The following PCDHGA10 variants were observed in gnomAD, a reference collection of about 807,000 sequenced individuals.
The protein encoded by PCDHGA10 is protocadherin gamma subfamily A, 10, also known as protocadherin gamma-A10.
PCDHGA10 carries 42 observed loss-of-function variants against 59.5 expected under a neutral mutation model. That is an observed-to-expected ratio of 0.71 (90% CI 0.55 to 0.91). PCDHGA10 has a LOEUF of 0.91. PCDHGA10 is among the 40% of genes least tolerant of loss of function. The pLI, the probability that PCDHGA10 is intolerant of heterozygous loss-of-function variation, is 0.00. For missense variants in PCDHGA10, 1,111 were observed against 1,198.2 expected (o/e 0.93, Z 1.07); for synonymous variants, 511 against 517.2 (o/e 0.99, Z 0.16).
rs1440733700 is a variant in PCDHGA10 at position 141,441,803 on chromosome 5, G to A, written c.2436+26192G>A. 249 of 383,164 alleles carry A rather than the reference G, an allele frequency of 6.5e-4. 2 individuals carry two copies. Among genetic ancestry groups the A allele is most frequent in the African/African-American group, 4.8e-3 (220 of 45,902 alleles). The allele number at this position is 383,164 out of a possible 1,614,324, so 23.7% of individuals were successfully genotyped here. The stretch of plus-strand genomic sequence containing the variant: ...ACCTGAATGACAACGCACCGCGGGT[G>A]CTGTACCCCAGCTCTGGAGCGCAAT... On this transcript the variant is annotated intron_variant, in intron 1 of 3. Coordinates refer to ENST00000398610, the MANE Select transcript of PCDHGA10 (RefSeq NM_018913.3).
chr5:141,463,086 GC>G (rs1171354311), intron 1 of PCDHGA10, among the ~76,000 whole-genome samples: 1 of 152,098 alleles, frequency 6.6e-6, no homozygotes, highest in African/African-American at 2.4e-5. Context: ...ACATTTTCCA[GC>G]CCTATGTGAC....
At chr5:141,441,087 TGACA>T (rs1168679217) in intron 1 of PCDHGA10, 1 of 152,174 alleles carries the variant, frequency 6.6e-6, no homozygotes, top group Non-Finnish European at 1.5e-5. Flanking sequence ...TGGTAGCAAG[TGACA>T]GAGAGGGACT....
At chr5:141,483,648 T>TTGTGTGTGTGTGTG (rs111458813) in intron 1 of PCDHGA10, among the ~76,000 whole-genome samples, 2 of 149,592 alleles carry the variant, frequency 1.3e-5, no homozygotes, top group Non-Finnish European at 3.0e-5. Context: ...GGGTGTGTGT[T>TTGTGTGTGTGTGTG]TGTGTGTGTG....
chr5:141,415,524 C>G lies in PCDHGA10; in HGVS notation c.2349C>G (p.Leu783=). The change falls in exon 1 of 4, where the codon CTC becomes CTG. Residue 783 remains leucine, a synonymous_variant. Coordinates refer to ENST00000398610, the MANE Select transcript of PCDHGA10 (RefSeq NM_018913.3). Reference sequence around the variant, plus strand: ...CCCAGCCCAATTATGCGGACACGCTCATCAGCCAGGAGAGCTGTGAGAAAA... The same window carrying G: ...CCCAGCCCAATTATGCGGACACGCTGATCAGCCAGGAGAGCTGTGAGAAAA... ...IFPQPNYADT[L]ISQESCEKND... is the part of the protein sequence containing the mutation. 1 of 1,614,154 alleles carries G rather than the reference C, an allele frequency of 6.2e-7. No homozygotes were observed. The highest frequency in any genetic ancestry group is 8.5e-7 in the Non-Finnish European group (1 of 1,180,038).
intron 1 of PCDHGA10, chr5:141,428,087 G>A (rs2097108117): frequency 6.2e-7 from 1 of 1,609,106 alleles, no homozygotes; most frequent in Non-Finnish European, 8.5e-7. Context: ...ACAACGCTTG[G>A]CTGTCCTACC....
In PCDHGA10 at chr5:141,485,076, G is replaced by A; in HGVS notation, c.2437-9731G>A. 2.1e-6 allele frequency: 2 copies of A among 944,586 alleles called. No homozygotes were observed. Among genetic ancestry groups the A allele is most frequent in the East Asian group, 2.4e-5 (1 of 41,508 alleles). The allele number at this position is 944,586 out of a possible 1,614,324, so 58.5% of individuals were successfully genotyped here. ...CCGAACCGCGCCAGAGCTGGCGCGG[G>A]GAAAGGGAGATAGGTGTCTCCAGCT... On this transcript the variant is annotated intron_variant, in intron 1 of 3. Coordinates refer to ENST00000398610, the MANE Select transcript of PCDHGA10 (RefSeq NM_018913.3). This position sits in a 1 kb window ranked among gnomAD's most constrained non-coding sequence, Gnocchi z 5.7.
chr5:141,432,374 C>T lies in PCDHGA10; in HGVS notation c.2436+16763C>T. The T allele has an allele frequency of 6.2e-7, 1 of 1,614,240 alleles. No individual in the cohort carries two copies. The highest frequency in any genetic ancestry group is 1.1e-5 in the South Asian group (1 of 91,082). ...GAAAGTGATGGCGCGGGACAACGGG[C>T]ACCCGCCCCTCAGCAGCAACGTGTC... On this transcript the variant is annotated intron_variant, in intron 1 of 3. Transcript: ENST00000398610. The surrounding 1 kb of genome is among the most constrained non-coding windows in gnomAD (Gnocchi z 6.0).
Position 141,432,771 on chromosome 5 carries a change from T to G in PCDHGA10, c.2436+17160T>G. The G allele has an allele frequency of 6.2e-7, 1 of 1,614,006 alleles. No homozygotes were observed. The highest frequency in any genetic ancestry group is 8.5e-7 in the Non-Finnish European group (1 of 1,179,966). On this transcript the variant is annotated intron_variant, in intron 1 of 3. Coordinates refer to ENST00000398610, the MANE Select transcript of PCDHGA10 (RefSeq NM_018913.3). This position sits in a 1 kb window ranked among gnomAD's most constrained non-coding sequence, Gnocchi z 6.0. ...GCCGTGGCCGACAGCATCCCCCAAG[T>G]CCTGGCGGACCTCGGCAGCCTCGAG...
chr5:141,505,523 G>A, intron 3 of PCDHGA10, 42 bp downstream of exon 3: 1 of 1,612,760 alleles, frequency 6.2e-7, no homozygotes, highest in Middle Eastern at 1.7e-4. Flanking sequence ...GGGAGACCTG[G>A]GGTTCTGGGG....
rs2099661624 is a variant in PCDHGA10, at chr5:141,487,712, G to A, written c.2437-7095G>A. The stretch of plus-strand genomic sequence containing the variant: ...AGAGAGTACTGGCCTCTCAGTAAGT[G>A]CCCATAGTGATGTCACCATTTTTGT... On this transcript the variant is annotated intron_variant, in intron 1 of 3. Coordinates refer to ENST00000398610, the MANE Select transcript of PCDHGA10 (RefSeq NM_018913.3). The surrounding 1 kb of genome is among the most constrained non-coding windows in gnomAD (Gnocchi z 5.0). The A allele has an allele frequency of 5.0e-6, 8 of 1,585,892 alleles. No individual in the cohort carries two copies. The highest frequency in any genetic ancestry group is 1.1e-5 in the South Asian group (1 of 87,950).
In PCDHGA10 at chr5:141,431,414, G is replaced by A. The variant is rs1184197093; in HGVS notation, c.2436+15803G>A. On this transcript the variant is annotated intron_variant, in intron 1 of 3. Coordinates refer to ENST00000398610, the MANE Select transcript of PCDHGA10 (RefSeq NM_018913.3). The surrounding 1 kb of genome is among the most constrained non-coding windows in gnomAD (Gnocchi z 4.8). ...GGTCCTTACGGCCTCCGACGGGGGC[G>A]ACCCGGTGCGCACAGGCACCGCGCG... The A allele has an allele frequency of 6.2e-7, 1 of 1,613,658 alleles. No homozygotes were observed. The highest frequency in any genetic ancestry group is 1.7e-5 in the Admixed American group (1 of 60,026).
At chr5:141,438,091 C>T (rs964466012) in intron 1 of PCDHGA10, among the ~76,000 whole-genome samples, 1 of 152,098 alleles carries the variant, frequency 6.6e-6, no homozygotes, top group Admixed American at 6.6e-5. Flanking sequence ...TTACCAGTAA[C>T]AGGGCATACT....
chr5:141,505,252 C>T (rs2099844831), intron 2 of PCDHGA10, 141 bp from the exon 3 acceptor site: 1 of 1,454,140 alleles, frequency 6.9e-7, no homozygotes, highest in Non-Finnish European at 9.2e-7. Context: ...TGTAGAAGTG[C>T]CTCCTACCTT....
intron 1 of PCDHGA10, chr5:141,428,221 G>A (rs1314522513): frequency 5.9e-6 from 7 of 1,177,278 alleles, no homozygotes; most frequent in Non-Finnish European, 8.6e-6. Context: ...CCTAGTCTTC[G>A]CAGACAGCCT....
At chr5:141,423,107 T>G (rs1590430250) in intron 1 of PCDHGA10, 1 of 1,613,696 alleles carries the variant, frequency 6.2e-7, no homozygotes, top group East Asian at 2.2e-5. Flanking sequence ...ACGGGCGAGG[T>G]GCGTACAGCG....
At position 141,491,502 on chromosome 5, in the gene PCDHGA10, C is replaced by G. The variant is rs751961360; in HGVS notation, c.2437-3305C>G. 1.4e-5 allele frequency: 23 copies of G among 1,614,080 alleles called. No homozygotes were observed. Among genetic ancestry groups the G allele is most frequent in the Non-Finnish European group, 1.8e-5 (21 of 1,180,006 alleles). ...GCCCCAACCTGCAGGTGAGCTCGGA[C>G]GGCACGCTCAAGTACATGGAGGTGA... On this transcript the variant is annotated intron_variant, in intron 1 of 3. Coordinates refer to ENST00000398610, the MANE Select transcript of PCDHGA10 (RefSeq NM_018913.3). This position sits in a 1 kb window ranked among gnomAD's most constrained non-coding sequence, Gnocchi z 6.9.
intron 1 of PCDHGA10, among the ~76,000 whole-genome samples, chr5:141,434,195 T>C (rs1561872734): frequency 6.6e-6 from 1 of 151,916 alleles, no homozygotes; most frequent in Non-Finnish European, 1.5e-5. Flanking sequence ...AATTCCAATG[T>C]ACTTACTTCT....
intron 1 of PCDHGA10, chr5:141,421,750 C>G: frequency 6.2e-7 from 1 of 1,613,906 alleles, no homozygotes; most frequent in East Asian, 2.2e-5. Flanking sequence ...CCAGCTCAGC[C>G]CTAATAATTA....
At chr5:141,478,719 T>C in intron 1 of PCDHGA10, 1 of 1,543,882 alleles carries the variant, frequency 6.5e-7, no homozygotes, top group South Asian at 1.2e-5. Context: ...GATGGTGGCC[T>C]GCCAGAGTGT....
Sources: gnomAD v4.1 joint callset for allele counts (sites outside exome capture counted in the v4.1 genomes callset) on GRCh38, gnomAD v4.1.1 for gene constraint, Gnocchi (gnomAD v3.1) non-coding constraint, MANE v1.5 for transcripts, NCBI Gene and HGNC (gene_info 2026-07-23, HGNC 2026-07-21) for gene names.